KIF6: variants seen among roughly 807,000 people sequenced by gnomAD.
KIF6 encodes kinesin-like protein KIF6.
In KIF6, 106 loss-of-function variants were observed where a neutral mutation model predicts 112.7. The ratio of observed to expected loss-of-function variants is 0.94; its 90% CI spans 0.80 to 1.11. The LOEUF (loss-of-function observed/expected upper bound fraction) is 1.11, where lower values mean the gene tolerates loss of function less well. KIF6 is among the 50% of genes least tolerant of loss of function. KIF6 has a pLI of 0.00. For synonymous variants in KIF6, 339 were observed against 339.9 expected (o/e 1.00, Z 0.03); for missense variants, 929 against 964.0 (o/e 0.96, Z 0.48).
chr6:39,669,992 G>A (rs1331081634), intron 3 of KIF6, among the ~76,000 whole-genome samples: 1 of 152,192 alleles, frequency 6.6e-6, no homozygotes, highest in African/African-American at 2.4e-5. Context: ...AAAGTCACTG[G>A]GAAAGGGTCT....
intron 13 of KIF6, among the ~76,000 whole-genome samples, chr6:39,485,508 T>C (rs1775058094): frequency 6.6e-6 from 1 of 152,068 alleles, no homozygotes; most frequent in African/African-American, 2.4e-5. Flanking sequence ...CTAACTTTGA[T>C]CCCCAGCACT....
intron 9 of KIF6, among the ~76,000 whole-genome samples, chr6:39,581,198 G>A (rs1394446835): frequency 1.5e-5 from 1 of 67,476 alleles, no homozygotes; most frequent in East Asian, 4.3e-4. Flanking sequence ...ACAGAGTTTT[G>A]CTCTTGTTGC....
intron 3 of KIF6, among the ~76,000 whole-genome samples, chr6:39,694,892 G>C (rs1788433183): frequency 6.6e-6 from 1 of 151,934 alleles, no homozygotes; most frequent in Non-Finnish European, 1.5e-5. Flanking sequence ...TAAAGCCAGA[G>C]GTATCACATT....
At chr6:39,684,945 T>G (rs302569) in intron 3 of KIF6, among the ~76,000 whole-genome samples, 8,645 of 152,176 alleles carry the variant, frequency 0.057, 804 homozygotes, top group African/African-American at 0.19. Context: ...CTAATGACTC[T>G]AACAAGCAAA....
At chr6:39,627,426 T>A (rs1341121288) in intron 5 of KIF6, among the ~76,000 whole-genome samples, 1 of 152,200 alleles carries the variant, frequency 6.6e-6, no homozygotes, top group Non-Finnish European at 1.5e-5. Context: ...AAACAGGGAC[T>A]ACGTTAGCAA....
At chr6:39,623,763 C>A (rs1783945589) in intron 5 of KIF6, among the ~76,000 whole-genome samples, 1 of 152,144 alleles carries the variant, frequency 6.6e-6, no homozygotes, top group Non-Finnish European at 1.5e-5. Flanking sequence ...CACACATAGG[C>A]TAACTGCTAC....
chr6:39,419,353 CAAAAAAAA>C (rs10682536), intron 15 of KIF6, among the ~76,000 whole-genome samples: 2 of 73,754 alleles, frequency 2.7e-5, no homozygotes, highest in Non-Finnish European at 4.8e-5. Flanking sequence ...GACTCTGTCT[CAAAAAAAA>C]AAAAAAAAAA....
chr6:39,606,225 A>T (rs527303387), intron 6 of KIF6, among the ~76,000 whole-genome samples: 61 of 142,382 alleles, frequency 4.3e-4, no homozygotes, highest in Non-Finnish European at 6.2e-4. Context: ...TTTCTCTTTC[A>T]TTTATTTTCT....
intron 19 of KIF6, among the ~76,000 whole-genome samples, chr6:39,356,114 G>A (rs931462522): frequency 1.3e-5 from 2 of 151,868 alleles, no homozygotes; most frequent in Non-Finnish European, 2.9e-5. Flanking sequence ...TTGACAATTT[G>A]AGGCATGCTA....
At chr6:39,584,389 C>T (rs958631379) in intron 9 of KIF6, among the ~76,000 whole-genome samples, 8 of 119,916 alleles carry the variant, frequency 6.7e-5, no homozygotes, top group Admixed American at 1.1e-4. Flanking sequence ...CTGCACTCCA[C>T]ACTCCAGCCT....
At chr6:39,621,636 G>A (rs368436048) in intron 5 of KIF6, among the ~76,000 whole-genome samples, 51 of 152,246 alleles carry the variant, frequency 3.3e-4, no homozygotes, top group African/African-American at 1.2e-3. Flanking sequence ...TTGGATGAAT[G>A]AACAAATGTG....
Position 39,332,109 on chromosome 6 carries a change from G to A in KIF6, c.*4423C>T, listed in dbSNP as rs1762762175. 1 of 152,014 alleles carries A rather than the reference G, an allele frequency of 6.6e-6. No individual in the cohort carries two copies. Among genetic ancestry groups the A allele is most frequent in the South Asian group, 2.1e-4 (1 of 4,816 alleles). 9.4% of individuals were successfully genotyped at this position (152,014 alleles called of 1,614,324 possible). A position where few individuals can be genotyped will look rare whatever the true frequency, so the allele number is the denominator to read the frequency against. On this transcript the variant is annotated 3_prime_UTR_variant, in exon 23 of 23. Transcript: ENST00000287152. ...TTACAGGTACGCAACACCATGCCCG[G>A]CTATTTTTTGTATTTTTAGTAGAGA...
chr6:39,386,231 C>T (rs1236202610), intron 15 of KIF6, among the ~76,000 whole-genome samples: 1 of 152,160 alleles, frequency 6.6e-6, no homozygotes, highest in Non-Finnish European at 1.5e-5. Context: ...GATAGTTCCA[C>T]TCTGCTCTAC....
chr6:39,552,015 C>A (rs1016468447), intron 10 of KIF6, among the ~76,000 whole-genome samples: 1 of 152,200 alleles, frequency 6.6e-6, no homozygotes, highest in African/African-American at 2.4e-5. Context: ...CATCCCAGAC[C>A]TCCTGAGTCA....
At chr6:39,368,165 G>T (rs959114183) in intron 16 of KIF6, among the ~76,000 whole-genome samples, 1 of 152,164 alleles carries the variant, frequency 6.6e-6, no homozygotes, top group Non-Finnish European at 1.5e-5. Context: ...AGGGCTTCAG[G>T]GGTTTGCAAC....
rs200655895 is a variant in KIF6 at position 39,518,257 on chromosome 6, G to GT, written c.1645+21745dup. ...GCTAGTATGTGCACATGTGTGCCTT[G>GT]TGTGTGTATGTGTGTGCTGTGTGGA... On this transcript the variant is annotated intron_variant, in intron 13 of 22. Transcript: ENST00000287152. Among the ~76,000 whole-genome samples the GT allele has an allele frequency of 6.9e-3, 1,048 of 152,284 alleles. 32 individuals carry two copies. The highest frequency in any genetic ancestry group is 0.061 in the Admixed American group (938 of 15,290).
At chr6:39,636,439 T>C (rs1019735143) in intron 4 of KIF6, among the ~76,000 whole-genome samples, 2 of 152,054 alleles carry the variant, frequency 1.3e-5, no homozygotes, top group African/African-American at 2.4e-5. Flanking sequence ...TGGATGACTC[T>C]AATGCTTATC....
intron 16 of KIF6, among the ~76,000 whole-genome samples, chr6:39,367,724 C>T (rs1765675646): frequency 6.6e-6 from 1 of 152,194 alleles, no homozygotes; most frequent in Non-Finnish European, 1.5e-5. Context: ...GACATAATTT[C>T]TACTGGAAAG....
intron 16 of KIF6, among the ~76,000 whole-genome samples, chr6:39,382,930 CA>C (rs1380910070): frequency 1.6e-5 from 2 of 122,614 alleles, no homozygotes; most frequent in African/African-American, 7.9e-5. Flanking sequence ...TGATGTTGAA[CA>C]TTGTTTTGTA....
Sources: allele counts gnomAD v4.1 joint callset (sites outside exome capture counted in the v4.1 genomes callset), GRCh38; gene constraint gnomAD v4.1.1; transcripts MANE v1.5; gene names NCBI Gene and HGNC (gene_info 2026-07-23, HGNC 2026-07-21).